Variants in WDR7 observed in about 807,000 individuals in gnomAD.
WDR7 encodes the protein WD repeat-containing protein 7.
Under a neutral mutation model 169.4 loss-of-function variants are expected in WDR7, and 46 were observed. That is an observed-to-expected ratio of 0.27 (90% confidence interval 0.21 to 0.35). The LOEUF (loss-of-function observed/expected upper bound fraction) is 0.35, where lower values mean the gene tolerates loss of function less well. Ranked by LOEUF, WDR7 falls within the 10% of genes least tolerant of loss-of-function variation. The pLI is 1.00. For synonymous variants in WDR7, 612 were observed against 666.8 expected (o/e 0.92, Z 1.27); for missense variants, 1,534 against 1,859.3 (o/e 0.83, Z 3.22).
At chr18:56,859,520 A>C (rs1177279357) in intron 20 of WDR7, among the ~76,000 whole-genome samples, 2 of 152,058 alleles carry the variant, frequency 1.3e-5, no homozygotes, top group Non-Finnish European at 1.5e-5. Flanking sequence ...TGCTCTTAGT[A>C]TTATTATACT....
rs117950983 is a variant in WDR7, at chr18:56,662,124, A to G, written c.-19-10373A>G. Among the ~76,000 whole-genome samples, 474 of 152,314 alleles carry G rather than the reference A, an allele frequency of 3.1e-3. 5 individuals carry two copies. In the East Asian group the frequency reaches 0.039, roughly 13 times the overall value. On this transcript the variant is annotated intron_variant, in intron 1 of 27. Coordinates refer to ENST00000254442, the MANE Select transcript of WDR7 (RefSeq NM_015285.3). ...AGGTGGGTAGCTAAGGCCTGTGCCAATTCATGTATGCGCATCCTCGTGAGA... is the reference window on the plus strand; with the variant it reads ...AGGTGGGTAGCTAAGGCCTGTGCCAGTTCATGTATGCGCATCCTCGTGAGA...
intron 22 of WDR7, among the ~76,000 whole-genome samples, chr18:56,924,858 T>C (rs879450318): frequency 3.9e-5 from 6 of 152,224 alleles, no homozygotes; most frequent in Non-Finnish European, 5.9e-5. Flanking sequence ...AATCACAGTG[T>C]TGTGCAACTG....
intron 12 of WDR7, among the ~76,000 whole-genome samples, chr18:56,708,414 T>G (rs538330190): frequency 6.6e-6 from 1 of 152,190 alleles, no homozygotes; most frequent in Admixed American, 6.5e-5. Context: ...AATCGCTTGG[T>G]CAGATGTGTG....
chr18:56,888,350 G>A (rs1057220919), intron 21 of WDR7, among the ~76,000 whole-genome samples: 3 of 152,232 alleles, frequency 2.0e-5, no homozygotes, highest in Non-Finnish European at 4.4e-5. Context: ...CTAGTGTTAC[G>A]TTGTGCCCTT....
At chr18:57,001,177 A>G (rs1400996410) in intron 26 of WDR7, among the ~76,000 whole-genome samples, 1 of 152,210 alleles carries the variant, frequency 6.6e-6, no homozygotes, top group African/African-American at 2.4e-5. Context: ...ATATAAATTA[A>G]GCAAAAATGT....
At chr18:56,713,233 A>T (rs2026121710) in intron 12 of WDR7, among the ~76,000 whole-genome samples, 1 of 152,184 alleles carries the variant, frequency 6.6e-6, no homozygotes, top group African/African-American at 2.4e-5. Flanking sequence ...ATTTACATCC[A>T]CTGTCATTAA....
chr18:56,794,491 A>G (rs2044549663), intron 19 of WDR7, among the ~76,000 whole-genome samples: 1 of 151,000 alleles, frequency 6.6e-6, no homozygotes, highest in South Asian at 2.1e-4. Context: ...TTCTATTTTT[A>G]GTAGAGAAGG....
chr18:56,671,639 T>G (rs1463720268), intron 1 of WDR7, among the ~76,000 whole-genome samples: 1 of 152,164 alleles, frequency 6.6e-6, no homozygotes, highest in Non-Finnish European at 1.5e-5. Flanking sequence ...GCGTTGGTAT[T>G]TATTGCTGGT....
chr18:57,026,201 A>AGTTGTTCAT (rs1339692311), intron 27 of WDR7, among the ~76,000 whole-genome samples: 1 of 152,226 alleles, frequency 6.6e-6, no homozygotes, highest in Admixed American at 6.5e-5. Flanking sequence ...CTGAATGCAT[A>AGTTGTTCAT]GTTGTTCATG....
chr18:56,862,524 A>G (rs2045822095), intron 20 of WDR7, among the ~76,000 whole-genome samples: 1 of 151,664 alleles, frequency 6.6e-6, no homozygotes, highest in Admixed American at 6.6e-5. Flanking sequence ...TAAAGCTTAA[A>G]TTGCCTGTTT....
chr18:56,731,331 A>G (rs1331077866), intron 13 of WDR7, 52 bp from the exon 14 acceptor site: 7 of 1,577,366 alleles, frequency 4.4e-6, no homozygotes, highest in Non-Finnish European at 5.2e-6. Flanking sequence ...TACTTAAACT[A>G]TTCAAAATGT....
chr18:56,869,263 C>T (rs1031613825), intron 20 of WDR7, among the ~76,000 whole-genome samples: 13 of 152,166 alleles, frequency 8.5e-5, no homozygotes, highest in African/African-American at 3.1e-4. Flanking sequence ...CAACTGCACA[C>T]ACATGTAATA....
At chr18:56,968,841 C>T (rs1424709898) in intron 26 of WDR7, among the ~76,000 whole-genome samples, 1 of 152,170 alleles carries the variant, frequency 6.6e-6, no homozygotes, top group Non-Finnish European at 1.5e-5. Flanking sequence ...GCATTGTCAC[C>T]TGCCTTGGTT....
rs1259607066 is a variant in WDR7, at chr18:57,029,400, A to G, written c.*2193A>G. On this transcript the variant is annotated 3_prime_UTR_variant, in exon 28 of 28. Transcript: ENST00000254442. ...ACGGTCATCTCTAACTACTAAACTA[A>G]TATCTGCATTCTTGTTAACATAAAT... The G allele has an allele frequency of 1.3e-5, 2 of 152,180 alleles. No homozygotes were observed. Among genetic ancestry groups the G allele is most frequent in the African/African-American group, 2.4e-5 (1 of 41,438 alleles). The allele number at this position is 152,180 out of a possible 1,614,324, so 9.4% of individuals were successfully genotyped here.
At chr18:56,835,007 C>T (rs1243132268) in intron 20 of WDR7, among the ~76,000 whole-genome samples, 1 of 152,180 alleles carries the variant, frequency 6.6e-6, no homozygotes, top group Non-Finnish European at 1.5e-5. Context: ...AAGACTTCTG[C>T]AGCACAAGGG....
chr18:56,687,267 A>T (rs1050940084), intron 7 of WDR7, among the ~76,000 whole-genome samples: 2 of 152,206 alleles, frequency 1.3e-5, no homozygotes, highest in Admixed American at 1.3e-4. Flanking sequence ...AAGCAGTAGT[A>T]GGGAGTTTTC....
At chr18:56,856,460 G>A (rs911842218) in intron 20 of WDR7, among the ~76,000 whole-genome samples, 1 of 152,084 alleles carries the variant, frequency 6.6e-6, no homozygotes, top group Non-Finnish European at 1.5e-5. Flanking sequence ...CTTGAACTGG[G>A]GAAGTGGAGG....
downstream of WDR7, chr18:57,031,941 GA>G: frequency 6.6e-6 from 1 of 152,326 alleles, no homozygotes. Flanking sequence ...GTGTTCTTTG[GA>G]AAACTTGGAT....
At chr18:56,811,853 A>G (rs941429138) in intron 19 of WDR7, among the ~76,000 whole-genome samples, 5 of 152,162 alleles carry the variant, frequency 3.3e-5, no homozygotes, top group African/African-American at 1.2e-4. Flanking sequence ...TTACTTTGCC[A>G]AAGTCACATG....
Sources: allele counts gnomAD v4.1 joint callset (sites outside exome capture counted in the v4.1 genomes callset), GRCh38; gene constraint gnomAD v4.1.1; transcripts MANE v1.5; gene names NCBI Gene and HGNC (gene_info 2026-07-23, HGNC 2026-07-21).